CDH23: variants seen among roughly 807,000 people sequenced by gnomAD.
The protein encoded by CDH23 is cadherin related 23.
Under a neutral mutation model 317.1 loss-of-function variants are expected in CDH23, and 189 were observed. That is an observed-to-expected ratio of 0.60 (90% CI 0.53 to 0.67). The LOEUF is 0.67. Ranked by LOEUF, CDH23 falls within the 30% of genes least tolerant of loss-of-function variation. CDH23 has a pLI of 0.00. For missense variants in CDH23, 4,401 were observed against 4,592.4 expected (o/e 0.96, Z 1.20); for synonymous variants, 1,839 against 1,876.8 (o/e 0.98, Z 0.52).
At chr10:71,403,080 C>T (rs1847860524) in intron 1 of CDH23, among the ~76,000 whole-genome samples, 1 of 152,100 alleles carries the variant, frequency 6.6e-6, no homozygotes, top group African/African-American at 2.4e-5. Context: ...CGAGATCGCG[C>T]CACTGCACTC....
intron 1 of CDH23, among the ~76,000 whole-genome samples, chr10:71,407,438 G>A (rs1042451784): frequency 1.3e-5 from 2 of 152,232 alleles, no homozygotes; most frequent in African/African-American, 4.8e-5. Context: ...AAACATCCAT[G>A]GGAGTGAATG....
chr10:71,728,751 C>G (rs1324259231), intron 30 of CDH23, among the ~76,000 whole-genome samples: 1 of 152,214 alleles, frequency 6.6e-6, no homozygotes, highest in Non-Finnish European at 1.5e-5. Flanking sequence ...GTTCTGGGGC[C>G]AGCTCACCCC....
At chr10:71,779,583 T>C in intron 41 of CDH23, 136 bp downstream of exon 41, 2 of 626,254 alleles carry the variant, frequency 3.2e-6, no homozygotes, top group South Asian at 2.7e-5. Flanking sequence ...AGTTTCCCCA[T>C]CTATGACAAT....
At chr10:71,593,479 AG>A (rs1361161533) in intron 9 of CDH23, among the ~76,000 whole-genome samples, 6 of 152,256 alleles carry the variant, frequency 3.9e-5, no homozygotes, top group African/African-American at 1.4e-4. Flanking sequence ...TCTACGTCAA[AG>A]GAGTTCCAAT....
intron 17 of CDH23, 26 bp downstream of exon 17, chr10:71,679,518 C>G (rs767916994): frequency 5.8e-6 from 9 of 1,561,438 alleles, no homozygotes; most frequent in Non-Finnish European, 7.0e-6. Context: ...AACTCGGGGC[C>G]CAGCCAGGAG....
intron 3 of CDH23, among the ~76,000 whole-genome samples, chr10:71,463,298 C>A (rs546640214): frequency 6.6e-6 from 1 of 152,316 alleles, no homozygotes; most frequent in African/African-American, 2.4e-5. Context: ...GGTGAGATGG[C>A]ACATGACATG....
At chr10:71,701,806 G>C (rs1205076670) in intron 22 of CDH23, among the ~76,000 whole-genome samples, 2 of 152,082 alleles carry the variant, frequency 1.3e-5, no homozygotes, top group Non-Finnish European at 2.9e-5. Context: ...CTGGAATACA[G>C]ACTCCCCAGC....
At chr10:71,522,113 C>G (rs1166169631) in intron 6 of CDH23, among the ~76,000 whole-genome samples, 1 of 142,388 alleles carries the variant, frequency 7.0e-6, no homozygotes, top group African/African-American at 2.8e-5. Flanking sequence ...TGGTGGCCCC[C>G]ACAAGCTTAC....
chr10:71,709,325 G>C, intron 27 of CDH23, 114 bp downstream of exon 27: 2 of 863,686 alleles, frequency 2.3e-6, no homozygotes, highest in South Asian at 3.3e-5. Flanking sequence ...TGCCAGTGGA[G>C]AAAGGGCCAC....
intron 7 of CDH23, among the ~76,000 whole-genome samples, chr10:71,567,468 C>T (rs1291738022): frequency 2.6e-5 from 4 of 152,230 alleles, no homozygotes; most frequent in Non-Finnish European, 5.9e-5. Context: ...ATTGCTGGCC[C>T]CTGGGAATTC....
chr10:71,523,294 T>G (rs1161539075), intron 6 of CDH23, among the ~76,000 whole-genome samples: 3 of 152,208 alleles, frequency 2.0e-5, no homozygotes, highest in African/African-American at 7.2e-5. Flanking sequence ...TTTTTTCCTT[T>G]CCTGGTCAAG....
rs1864969504 is a variant in CDH23 at position 71,687,795 on chromosome 10, C to T, written c.2059+76C>T. 3.0e-6 allele frequency: 4 copies of T among 1,351,718 alleles called. 1 individual carries two copies. The South Asian group carries it at 3.6e-5, about 12-fold the overall frequency. 83.7% of individuals were successfully genotyped at this position (1,351,718 alleles called of 1,614,324 possible). ...AGTCACGGCACCCAGGATGTGCAGA[C>T]CCCGGCTCTGCACACAAATTGTGGG... On this transcript the variant is annotated intron_variant, in intron 19 of 69. Transcript: ENST00000224721.
chr10:71,511,611 A>G (rs1165046016), intron 6 of CDH23, among the ~76,000 whole-genome samples: 1 of 152,166 alleles, frequency 6.6e-6, no homozygotes, highest in African/African-American at 2.4e-5. Flanking sequence ...AGGTCCCTCC[A>G]GGACTCAGGG....
chr10:71,473,000 C>T (rs1396098775), intron 3 of CDH23, among the ~76,000 whole-genome samples: 1 of 152,204 alleles, frequency 6.6e-6, no homozygotes, highest in African/African-American at 2.4e-5. Context: ...GTTACTTCCC[C>T]TCATTACCCT....
intron 22 of CDH23, among the ~76,000 whole-genome samples, 152 bp from the exon 23 acceptor site, chr10:71,701,870 C>T (rs1029823270): frequency 1.3e-5 from 2 of 152,126 alleles, no homozygotes; most frequent in South Asian, 2.1e-4. Context: ...CTCGGACCCC[C>T]CTACCGGGCC....
intron 11 of CDH23, chr10:71,622,889 G>A (rs1420723266): frequency 2.0e-6 from 2 of 984,748 alleles, no homozygotes; most frequent in Non-Finnish European, 2.4e-6. Flanking sequence ...GATTCTGGCT[G>A]CTTCTGGGAA....
intron 14 of CDH23, among the ~76,000 whole-genome samples, chr10:71,658,914 C>G (rs905245465): frequency 5.9e-5 from 9 of 152,218 alleles, no homozygotes; most frequent in Non-Finnish European, 1.2e-4. Flanking sequence ...AAGCAGCTCA[C>G]TCCCTGGGTG....
chr10:71,761,043 T>C, intron 38 of CDH23: 1 of 1,016,142 alleles, frequency 9.8e-7, no homozygotes, highest in South Asian at 1.3e-5. Context: ...TACTCGGCAG[T>C]GTTGGCCCAG....
In CDH23 at chr10:71,532,148, A is replaced by G. The variant is rs181242496; in HGVS notation, c.429+20936A>G. On this transcript the variant is annotated intron_variant, in intron 6 of 69. Coordinates refer to ENST00000224721, the MANE Select transcript of CDH23 (RefSeq NM_022124.6). ...GGGAAGTGAGTTAGCTTGAGGCATC[A>G]GGACCTTTGCAGGAAGCCCAGTCAG... 3.4e-4 allele frequency among the ~76,000 whole-genome samples: 51 copies of G among 151,938 alleles called. No individual in the cohort carries two copies. In the East Asian group the frequency reaches 9.3e-3, roughly 28 times the overall value.
Sources: allele counts gnomAD v4.1 joint callset (sites outside exome capture counted in the v4.1 genomes callset), GRCh38; gene constraint gnomAD v4.1.1; transcripts MANE v1.5; gene names NCBI Gene and HGNC (gene_info 2026-07-23, HGNC 2026-07-21).